The following NDST4 variants were observed in gnomAD, a reference collection of about 807,000 sequenced individuals.
The protein encoded by NDST4 is N-deacetylase and N-sulfotransferase 4, also known as N-heparan sulfate sulfotransferase 4.
NDST4 carries 63 observed loss-of-function variants against 100.8 expected under a neutral mutation model. The observed-to-expected ratio is 0.62, with a 90% confidence interval of 0.51 to 0.77. NDST4 has a LOEUF of 0.77. Ranked by LOEUF, NDST4 falls within the 30% of genes least tolerant of loss-of-function variation. The pLI is 0.00. For synonymous variants in NDST4, 377 were observed against 361.8 expected, an observed-to-expected ratio of 1.04 and a Z score of -0.48; for missense variants, 943 against 1,018.4, an observed-to-expected ratio of 0.93 and a Z score of 1.01.
intron 6 of NDST4, among the ~76,000 whole-genome samples, chr4:114,889,127 A>G (rs1724540101): frequency 6.6e-6 from 1 of 152,142 alleles, no homozygotes; most frequent in African/African-American, 2.4e-5. Context: ...TCCAAACCAA[A>G]TTTTTATATT....
chr4:114,937,252 G>T, intron 5 of NDST4, 66 bp downstream of exon 5: 2 of 1,515,326 alleles, frequency 1.3e-6, no homozygotes, highest in Non-Finnish European at 1.8e-6. Flanking sequence ...AGAGGAAATG[G>T]CCCTCTGTCT....
intron 11 of NDST4, among the ~76,000 whole-genome samples, chr4:114,836,696 T>C (rs545148130): frequency 6.6e-6 from 1 of 152,324 alleles, no homozygotes; most frequent in Non-Finnish European, 1.5e-5. Flanking sequence ...TCCTGGATAA[T>C]ATCCTGAATT....
chr4:114,892,280 T>C (rs563473635), intron 6 of NDST4, among the ~76,000 whole-genome samples: 1 of 152,284 alleles, frequency 6.6e-6, no homozygotes, highest in South Asian at 2.1e-4. Flanking sequence ...TACTTGGATG[T>C]ATTGTAAATA....
rs150208576 is a variant in NDST4 at position 114,960,067 on chromosome 4, C to T, written c.1221+10363G>A. Among the ~76,000 whole-genome samples the T allele has an allele frequency of 3.9e-5, 6 of 152,084 alleles. No individual in the cohort carries two copies. The East Asian group carries it at 1.2e-3, about 29-fold the overall frequency. ...GAACTCATCACATAGAAGTGAAACA[C>T]AAAATTAACTATTCACTTCTCAATA... is the stretch of plus-strand genomic sequence containing the variant. On this transcript the variant is annotated intron_variant, in intron 4 of 13. Coordinates refer to ENST00000264363, the MANE Select transcript of NDST4 (RefSeq NM_022569.3).
At chr4:115,057,161 C>T (rs554992895) in intron 2 of NDST4, among the ~76,000 whole-genome samples, 1 of 152,114 alleles carries the variant, frequency 6.6e-6, no homozygotes, top group African/African-American at 2.4e-5. Flanking sequence ...GTAAATGGTC[C>T]GTGGTTAGCA....
intron 1 of NDST4, among the ~76,000 whole-genome samples, chr4:115,098,617 C>T (rs184641290): frequency 3.3e-5 from 5 of 152,216 alleles, no homozygotes; most frequent in East Asian, 3.9e-4. Context: ...ATCAAGACAC[C>T]GTGGTGTAAA....
intron 1 of NDST4, among the ~76,000 whole-genome samples, chr4:115,098,731 G>C (rs1020257176): frequency 1.3e-5 from 2 of 152,220 alleles, no homozygotes; most frequent in East Asian, 3.9e-4. Flanking sequence ...TTCCCCCTCT[G>C]TCACCCAGGC....
Position 115,076,780 on chromosome 4 carries a change from C to T in NDST4, c.257G>A (p.Ser86Asn), listed in dbSNP as rs753272656. 5 of 1,613,982 alleles carry T rather than the reference C, an allele frequency of 3.1e-6. No individual in the cohort carries two copies. The South Asian group carries it at 5.5e-5, about 18-fold the overall frequency. The change falls in exon 2 of 14, where the codon AGC becomes AAC. Residue 86 changes from serine to asparagine, a missense_variant. Ser to Asn is a conservative substitution (Grantham distance 46). Transcript: ENST00000264363. ...TDPTVLLFVE[S>N]QYSQLGQDII... ...ATCTTGACCGAGTTGAGAGTATTGG[C>T]TCTCCACGAAGAGAAGGACAGTAGG...
intron 2 of NDST4, among the ~76,000 whole-genome samples, chr4:115,043,628 T>A (rs569694828): frequency 6.6e-6 from 1 of 152,190 alleles, no homozygotes; most frequent in Admixed American, 6.5e-5. Flanking sequence ...ACTGATTGGT[T>A]GATTCAGAGG....
intron 1 of NDST4, among the ~76,000 whole-genome samples, chr4:115,083,963 G>T (rs1413034790): frequency 2.0e-5 from 3 of 152,160 alleles, no homozygotes; most frequent in Non-Finnish European, 4.4e-5. Context: ...GTGAGGCACT[G>T]CTGTAAATAC....
At chr4:114,990,897 T>C (rs1202583099) in intron 2 of NDST4, among the ~76,000 whole-genome samples, 1 of 152,106 alleles carries the variant, frequency 6.6e-6, no homozygotes, top group Non-Finnish European at 1.5e-5. Context: ...GGTTTATTTA[T>C]GTGCTGTGTT....
intron 7 of NDST4, among the ~76,000 whole-genome samples, chr4:114,866,960 T>C (rs888546446): frequency 2.6e-5 from 4 of 152,276 alleles, no homozygotes; most frequent in Non-Finnish European, 5.9e-5. Flanking sequence ...GAGTTGATGA[T>C]AATAGTATAC....
chr4:114,942,908 A>G (rs1407607525), intron 4 of NDST4, among the ~76,000 whole-genome samples: 1 of 151,134 alleles, frequency 6.6e-6, no homozygotes, highest in East Asian at 1.9e-4. Context: ...AATGGTTATT[A>G]TGAAAAAAAT....
chr4:114,915,915 C>T (rs1725158802), intron 6 of NDST4, among the ~76,000 whole-genome samples: 1 of 151,940 alleles, frequency 6.6e-6, no homozygotes, highest in Non-Finnish European at 1.5e-5. Flanking sequence ...ATGCAAACCC[C>T]AACCACTTAA....
chr4:115,021,853 G>C (rs990947537), intron 2 of NDST4, among the ~76,000 whole-genome samples: 16 of 144,924 alleles, frequency 1.1e-4, no homozygotes, highest in Non-Finnish European at 1.8e-4. Flanking sequence ...ATATATATAC[G>C]TTCCACAGCT....
chr4:114,971,311 A>T (rs1726509793), intron 3 of NDST4, among the ~76,000 whole-genome samples: 1 of 152,038 alleles, frequency 6.6e-6, no homozygotes, highest in African/African-American at 2.4e-5. Flanking sequence ...AACTAGTATC[A>T]CTTTCTCTTC....
chr4:114,854,418 AAT>A (rs1723746034), intron 7 of NDST4, among the ~76,000 whole-genome samples: 1 of 152,168 alleles, frequency 6.6e-6, no homozygotes, highest in Non-Finnish European at 1.5e-5. Flanking sequence ...GGCTATTGTG[AAT>A]AGTGCTGAAA....
intron 7 of NDST4, among the ~76,000 whole-genome samples, chr4:114,864,958 T>C (rs1314686690): frequency 6.6e-6 from 1 of 152,364 alleles, no homozygotes; most frequent in South Asian, 2.1e-4. Context: ...ATTATACTCA[T>C]GTTTATTTAA....
At chr4:115,002,634 A>G (rs1442396378) in intron 2 of NDST4, among the ~76,000 whole-genome samples, 1 of 152,140 alleles carries the variant, frequency 6.6e-6, no homozygotes, top group African/African-American at 2.4e-5. Flanking sequence ...TAGGTTTTAC[A>G]TTTAAGCCTT....
Sources: gnomAD v4.1 joint callset for allele counts (sites outside exome capture counted in the v4.1 genomes callset) on GRCh38, gnomAD v4.1.1 for gene constraint, MANE v1.5 for transcripts, NCBI Gene and HGNC (gene_info 2026-07-23, HGNC 2026-07-21) for gene names.